Variants in SLC4A4 observed in about 807,000 individuals in gnomAD.
SLC4A4 encodes electrogenic sodium bicarbonate cotransporter 1.
A neutral mutation model predicts 111.5 loss-of-function variants in SLC4A4; 27 were observed. The ratio of observed to expected loss-of-function variants is 0.24; its 90% CI spans 0.18 to 0.33. The LOEUF is 0.33. SLC4A4 is among the 10% of genes least tolerant of loss of function. The pLI, the probability that SLC4A4 is intolerant of heterozygous loss-of-function variation, is 1.00. For missense variants in SLC4A4, 909 were observed against 1,315.5 expected (o/e 0.69, Z 4.78); for synonymous variants, 443 against 463.4 (o/e 0.96, Z 0.57).
At chr4:71,133,756 G>A (rs978052701) in intron 2 of SLC4A4, among the ~76,000 whole-genome samples, 8 of 152,156 alleles carry the variant, frequency 5.3e-5, no homozygotes, top group Non-Finnish European at 1.0e-4. Flanking sequence ...TCCCAGTTTG[G>A]TTTCCTGATT....
chr4:71,537,303 A>G (rs1375449392), intron 18 of SLC4A4, among the ~76,000 whole-genome samples: 1 of 152,078 alleles, frequency 6.6e-6, no homozygotes, highest in East Asian at 1.9e-4. Context: ...ATATATGTAT[A>G]TGTATACACA....
intron 1 of SLC4A4, among the ~76,000 whole-genome samples, chr4:71,090,603 C>T (rs762537222): frequency 1.3e-5 from 2 of 152,188 alleles, no homozygotes; most frequent in South Asian, 2.1e-4. Context: ...TTTAGTGACT[C>T]CATCTTCATT....
chr4:71,432,013 GT>G (rs1723684703), intron 7 of SLC4A4, among the ~76,000 whole-genome samples: 1 of 152,114 alleles, frequency 6.6e-6, no homozygotes, highest in African/African-American at 2.4e-5. Flanking sequence ...ATCTTACCTT[GT>G]GAAACTTGGG....
At chr4:71,100,201 C>G (rs1742683306) in intron 2 of SLC4A4, among the ~76,000 whole-genome samples, 4 of 152,120 alleles carry the variant, frequency 2.6e-5, no homozygotes, top group Admixed American at 2.6e-4. Flanking sequence ...GCAAAATCCT[C>G]AATGAAATAC....
chr4:71,446,887 T>C lies in SLC4A4; in HGVS notation c.966-759T>C, dbSNP rs553873486. On this transcript the variant is annotated intron_variant, in intron 8 of 25. Coordinates refer to ENST00000264485, the MANE Select transcript of SLC4A4 (RefSeq NM_001098484.3). Reference sequence around the variant, plus strand: ...CCAACATGCCACAGGGCAAAGGCCCTGTGTGATAAGTGAGGGATTTTTTCC... The same window carrying C: ...CCAACATGCCACAGGGCAAAGGCCCCGTGTGATAAGTGAGGGATTTTTTCC... Among the ~76,000 whole-genome samples the C allele has an allele frequency of 4.6e-5, 7 of 152,362 alleles. No homozygotes were observed. In the South Asian group the frequency reaches 1.4e-3, roughly 32 times the overall value.
At chr4:71,417,332 G>C (rs188513541) in intron 7 of SLC4A4, among the ~76,000 whole-genome samples, 1 of 152,132 alleles carries the variant, frequency 6.6e-6, no homozygotes, top group Non-Finnish European at 1.5e-5. Context: ...GGAAAGTCAG[G>C]GAAGGTGGGG....
intron 16 of SLC4A4, 100 bp downstream of exon 16, chr4:71,497,792 C>A: frequency 1.0e-6 from 1 of 974,252 alleles, no homozygotes; most frequent in South Asian, 1.4e-5. Flanking sequence ...TCAATGTGTC[C>A]AATATAATTT....
At chr4:71,243,384 CT>C (rs1005873166) in intron 2 of SLC4A4, among the ~76,000 whole-genome samples, 6 of 152,054 alleles carry the variant, frequency 3.9e-5, no homozygotes, top group African/African-American at 1.4e-4. Context: ...AATATTTCCC[CT>C]TTTTTATCAC....
chr4:71,138,888 T>C (rs1234209677), intron 2 of SLC4A4, among the ~76,000 whole-genome samples: 1 of 151,864 alleles, frequency 6.6e-6, no homozygotes, highest in Non-Finnish European at 1.5e-5. Context: ...TATAAAAAAT[T>C]AGCCAGGCGT....
At position 71,571,078 on chromosome 4, in the gene SLC4A4, T is replaced by A. The variant is rs1345223078; in HGVS notation, c.*3327T>A. On this transcript the variant is annotated 3_prime_UTR_variant, in exon 26 of 26. Transcript: ENST00000264485. Reference sequence around the variant, plus strand: ...CACCAACCCATACAGAGTAAATCTTTTATCAACTGTATACTGGTGTTTAAT... The same window carrying A: ...CACCAACCCATACAGAGTAAATCTTATATCAACTGTATACTGGTGTTTAAT... 6.6e-6 allele frequency: 1 copy of A among 152,270 alleles called. No individual in the cohort carries two copies. Among genetic ancestry groups the A allele is most frequent in the Non-Finnish European group, 1.5e-5 (1 of 67,858 alleles). The allele number at this position is 152,270 out of a possible 1,614,324, so 9.4% of individuals were successfully genotyped here.
At chr4:71,102,492 A>T (rs1439347738) in intron 2 of SLC4A4, among the ~76,000 whole-genome samples, 1 of 152,206 alleles carries the variant, frequency 6.6e-6, no homozygotes, top group Admixed American at 6.5e-5. Flanking sequence ...AGTTGAAATG[A>T]AGGAAAAATG....
At chr4:71,236,234 A>ATT (rs34835011) in intron 1 of SLC4A4, 37,503 of 954,822 alleles carry the variant, frequency 0.039, 670 homozygotes, top group East Asian at 0.24. Flanking sequence ...CTCTCTTGGT[A>ATT]TTTTTTTTTT....
rs1560761644 is a variant in SLC4A4 at position 71,179,156 on chromosome 4, G to GC, written c.-1-57419dup. ...AAGGCCTTTGACAAAATTCAACAAT[G>GC]CTTCATGCTAAAAACTCTCAATAAA... On this transcript the variant is annotated intron_variant, in intron 2 of 26. Coordinates refer to the SLC4A4 transcript ENST00000649996. Among the ~76,000 whole-genome samples, 748 of 152,114 alleles carry GC rather than the reference G, an allele frequency of 4.9e-3. 6 individuals carry two copies. The highest frequency in any genetic ancestry group is 0.017 in the African/African-American group (716 of 41,482).
chr4:71,156,586 GCGCA>G (rs1744477734), intron 2 of SLC4A4, among the ~76,000 whole-genome samples: 19 of 108,384 alleles, frequency 1.8e-4, no homozygotes, highest in Non-Finnish European at 3.0e-4. Flanking sequence ...GCGCGCGCGC[GCGCA>G]CACACACACA....
intron 3 of SLC4A4, among the ~76,000 whole-genome samples, chr4:71,260,412 TG>T (rs1276394860): frequency 2.0e-5 from 3 of 152,276 alleles, no homozygotes; most frequent in African/African-American, 7.2e-5. Flanking sequence ...TACATGCCAT[TG>T]GTATTCTCAA....
chr4:71,510,356 T>A (rs951794049), intron 16 of SLC4A4, among the ~76,000 whole-genome samples: 12 of 152,220 alleles, frequency 7.9e-5, no homozygotes, highest in Admixed American at 2.0e-4. Flanking sequence ...CTAATGTAAA[T>A]GTAATTATTT....
At chr4:71,559,564 T>C (rs1006356145) in intron 22 of SLC4A4, among the ~76,000 whole-genome samples, 8 of 151,992 alleles carry the variant, frequency 5.3e-5, no homozygotes, top group South Asian at 4.1e-4. Flanking sequence ...ATGTTAAATA[T>C]TCAGTTAACG....
At chr4:71,469,250 A>G (rs562395976) in intron 13 of SLC4A4, among the ~76,000 whole-genome samples, 5 of 152,112 alleles carry the variant, frequency 3.3e-5, no homozygotes, top group African/African-American at 9.6e-5. Flanking sequence ...CTTCACAATT[A>G]AGGTTGGATT....
At chr4:71,128,858 A>T in intron 2 of SLC4A4, among the ~76,000 whole-genome samples, 1 of 152,112 alleles carries the variant, frequency 6.6e-6, no homozygotes, top group Non-Finnish European at 1.5e-5. Context: ...AATCCCTAAA[A>T]CAAGTCTTTA....
Sources: allele counts gnomAD v4.1 joint callset (sites outside exome capture counted in the v4.1 genomes callset), GRCh38; gene constraint gnomAD v4.1.1; transcripts MANE v1.5; gene names NCBI Gene and HGNC (gene_info 2026-07-23, HGNC 2026-07-21).